The following SOD2 variants were observed in gnomAD, a reference collection of about 807,000 sequenced individuals.
SOD2 encodes the protein superoxide dismutase 2.
SOD2 carries 11 observed loss-of-function variants against 27.0 expected under a neutral mutation model. The observed-to-expected ratio is 0.41, with a 90% CI of 0.26 to 0.67. The LOEUF (loss-of-function observed/expected upper bound fraction) is 0.67. Ranked by LOEUF, SOD2 falls within the 30% of genes least tolerant of loss-of-function variation. SOD2 has a pLI of 0.34. For missense variants in SOD2, 250 were observed against 274.5 expected, an observed-to-expected ratio of 0.91 and a Z score of 0.63; for synonymous variants, 105 against 103.0, an observed-to-expected ratio of 1.02 and a Z score of -0.12.
At chr6:159,729,850 GC>G (rs1778460779), upstream of SOD2, among the ~76,000 whole-genome samples, 2 of 152,184 alleles carry the variant, frequency 1.3e-5, no homozygotes. Flanking sequence ...GCTGGCGCTT[GC>G]CTCCGTTCAG....
intron 1 of SOD2, chr6:159,742,124 G>A: frequency 6.2e-7 from 1 of 1,608,152 alleles, no homozygotes; most frequent in Non-Finnish European, 8.5e-7. Flanking sequence ...AAGCTTTGGA[G>A]GGCAAGTACA....
At chr6:159,715,910 A>G (rs79710702) in intron 1 of SOD2, among the ~76,000 whole-genome samples, 6 of 151,760 alleles carry the variant, frequency 4.0e-5, no homozygotes, top group Admixed American at 6.6e-5. Context: ...AAGGAAAAAA[A>G]AAAAAAAAAA....
chr6:159,757,415 T>C (rs552553046), intron 1 of SOD2, among the ~76,000 whole-genome samples: 4 of 135,878 alleles, frequency 2.9e-5, no homozygotes, highest in Admixed American at 8.6e-5. Context: ...TTTTTTCTTT[T>C]TCTCTTTTTT....
At chr6:159,732,843 T>C (rs1009327612) in intron 1 of SOD2, among the ~76,000 whole-genome samples, 4 of 139,324 alleles carry the variant, frequency 2.9e-5, no homozygotes, top group Non-Finnish European at 6.1e-5. Context: ...TGTCTCTGTC[T>C]GCTTCTTTCT....
intron 1 of SOD2, among the ~76,000 whole-genome samples, chr6:159,756,902 C>T (rs1469878322): frequency 6.6e-6 from 1 of 152,048 alleles, no homozygotes; most frequent in East Asian, 1.9e-4. Flanking sequence ...CAGCTCCTGG[C>T]CCTTTTTGAG....
intron 1 of SOD2, among the ~76,000 whole-genome samples, chr6:159,737,516 CAG>C (rs1362708825): frequency 2.0e-5 from 3 of 152,030 alleles, no homozygotes; most frequent in South Asian, 4.1e-4. Context: ...TTTTCTGAGA[CAG>C]AGTCTCACTC....
At chr6:159,741,911 C>T (rs552603059) in intron 1 of SOD2, 14 of 504,984 alleles carry the variant, frequency 2.8e-5, no homozygotes, top group Non-Finnish European at 3.9e-5. Context: ...GTTTGCGCCA[C>T]GCTGCACTCC....
At chr6:159,707,144 TA>T (rs1777642650) in intron 1 of SOD2, among the ~76,000 whole-genome samples, 1 of 152,020 alleles carries the variant, frequency 6.6e-6, no homozygotes, top group Admixed American at 6.6e-5. Flanking sequence ...TTTATAGCAC[TA>T]AATGCCCACA....
chr6:159,705,469 C>G lies in SOD2; in HGVS notation c.-115-12606G>C, dbSNP rs190864434. On this transcript the variant is annotated intron_variant, in intron 1 of 2. Transcript: ENST00000401980. ...AAACCATGGCACAAGAACTACGTGA[C>G]GAATGCACAAGCTTCAGTAGCCGAT... is the stretch of plus-strand genomic sequence containing the variant. Among the ~76,000 whole-genome samples, 891 of 152,004 alleles carry G rather than the reference C, an allele frequency of 5.9e-3. 11 individuals carry two copies. The highest frequency in any genetic ancestry group is 0.021 in the African/African-American group (858 of 41,460).
chr6:159,742,482 G>A (rs1290786870), intron 1 of SOD2, among the ~76,000 whole-genome samples: 1 of 152,092 alleles, frequency 6.6e-6, no homozygotes, highest in Non-Finnish European at 1.5e-5. Context: ...TGAAGCATGA[G>A]TTACTAGTCT....
chr6:159,686,820 G>A (rs1287726594), intron 3 of SOD2, among the ~76,000 whole-genome samples: 1 of 152,038 alleles, frequency 6.6e-6, no homozygotes, highest in South Asian at 2.1e-4. Context: ...GAAACTTAGG[G>A]TGCATATCCG....
At chr6:159,720,134 G>C (rs886851668) in intron 1 of SOD2, among the ~76,000 whole-genome samples, 1 of 151,454 alleles carries the variant, frequency 6.6e-6, no homozygotes, top group African/African-American at 2.4e-5. Context: ...GGGTTCAAGC[G>C]AATCTCCTGT....
Position 159,675,121 on chromosome 6 carries a change from T to C in SOD2, c.*7372A>G, listed in dbSNP as rs550159036. 2 of 152,296 alleles carry C rather than the reference T, an allele frequency of 1.3e-5. No individual in the cohort carries two copies. The highest frequency in any genetic ancestry group is 1.9e-4 in the East Asian group (1 of 5,188). 9.4% of individuals were successfully genotyped at this position (152,296 alleles called of 1,614,324 possible). A position where few individuals can be genotyped will look rare whatever the true frequency, so the allele number is the denominator to read the frequency against. On this transcript the variant is annotated 3_prime_UTR_variant, in exon 5 of 5. Coordinates refer to ENST00000538183, the MANE Select transcript of SOD2 (RefSeq NM_000636.4). ...GAGGACACAAACAAATGGAAGAACA[T>C]TCCATGCTCATGGATAGGAAGAATC...
At chr6:159,723,210 G>A (rs1778073783) in intron 1 of SOD2, among the ~76,000 whole-genome samples, 1 of 152,216 alleles carries the variant, frequency 6.6e-6, no homozygotes. Flanking sequence ...GCAATAAAAT[G>A]CATTCTTTAC....
In SOD2 at chr6:159,678,970, T is replaced by C. The variant is rs1779840681; in HGVS notation, c.*3523A>G. 1 of 152,244 alleles carries C rather than the reference T, an allele frequency of 6.6e-6. No homozygotes were observed. Among genetic ancestry groups the C allele is most frequent in the South Asian group, 2.1e-4 (1 of 4,832 alleles). The allele number at this position is 152,244 out of a possible 1,614,324, so 9.4% of individuals were successfully genotyped here. A position where few individuals can be genotyped will look rare whatever the true frequency, so the allele number is the denominator to read the frequency against. ...GGTTATCAGATGATGTTATTACAGA[T>C]ATGACTGGAGATACAGGTCTTGGTC... On this transcript the variant is annotated 3_prime_UTR_variant, in exon 5 of 5. Coordinates refer to ENST00000538183, the MANE Select transcript of SOD2 (RefSeq NM_000636.4).
At chr6:159,761,531 C>T (rs1291591376) in exon 1 of SOD2, 1 of 456,344 alleles carries the variant, frequency 2.2e-6, no homozygotes, top group Non-Finnish European at 4.4e-6. Flanking sequence ...ACGCATAGGA[C>T]CTCCCGAAGC....
At chr6:159,749,091 T>C (rs1324459645), upstream of SOD2, 10 of 987,094 alleles carry the variant, frequency 1.0e-5, no homozygotes, top group Non-Finnish European at 1.2e-5. Context: ...TGTGGTTTTA[T>C]TCAATGGTTT....
chr6:159,739,105 C>T (rs937157956), intron 1 of SOD2: 10 of 1,327,456 alleles, frequency 7.5e-6, no homozygotes, highest in African/African-American at 2.9e-5. Flanking sequence ...TGTGACTCTA[C>T]ACTGTAATTG....
In SOD2 at chr6:159,681,065, AAC is replaced by A. The variant is rs898006824; in HGVS notation, c.*1426_*1427del. ...ATTAGAAACAAATGAAATATTCAAA[AAC>A]AGTAAATTAGGCAGATGATGAAACA... On this transcript the variant is annotated 3_prime_UTR_variant, in exon 5 of 5. Transcript: ENST00000538183. 1 of 152,260 alleles carries A rather than the reference AAC, an allele frequency of 6.6e-6. No homozygotes were observed. Among genetic ancestry groups the A allele is most frequent in the African/African-American group, 2.4e-5 (1 of 41,462 alleles). The allele number at this position is 152,260 out of a possible 1,614,324, so 9.4% of individuals were successfully genotyped here.
Sources: allele counts gnomAD v4.1 joint callset (sites outside exome capture counted in the v4.1 genomes callset), GRCh38; gene constraint gnomAD v4.1.1; transcripts MANE v1.5; gene names NCBI Gene and HGNC (gene_info 2026-07-23, HGNC 2026-07-21).